Variants in CNIH3 observed in about 807,000 individuals in gnomAD.
CNIH3 encodes cornichon family AMPA receptor auxiliary protein 3.
Under a neutral mutation model 24.1 loss-of-function variants are expected in CNIH3, and 14 were observed. That is an observed-to-expected ratio of 0.58 (90% CI 0.38 to 0.91). The LOEUF is 0.91. CNIH3 is among the 40% of genes least tolerant of loss of function. The pLI is 0.00. For missense variants in CNIH3, 178 were observed against 196.8 expected, an observed-to-expected ratio of 0.90 and a Z score of 0.57; for synonymous variants, 68 against 73.8, an observed-to-expected ratio of 0.92 and a Z score of 0.40.
At chr1:224,494,022 G>A (rs923463291) in intron 1 of CNIH3, among the ~76,000 whole-genome samples, 6 of 152,140 alleles carry the variant, frequency 3.9e-5, no homozygotes, top group Admixed American at 2.0e-4. Flanking sequence ...GATCAGATGT[G>A]GTTCTTCAAA....
rs573088137 is a variant in CNIH3, at chr1:224,506,535, C to T, written n.204-9206C>T. On this transcript the variant is annotated intron_variant and non_coding_transcript_variant, in intron 1 of 5. Transcript: ENST00000471578. ...TTAGTCTGCATGTTACTCTGTAGGGCGTGTGCAAGGAGGGGAGGATGAGTG... is the reference window on the plus strand; with the variant it reads ...TTAGTCTGCATGTTACTCTGTAGGGTGTGTGCAAGGAGGGGAGGATGAGTG... 5.9e-5 allele frequency among the ~76,000 whole-genome samples: 9 copies of T among 152,118 alleles called. 1 individual carries two copies. The highest frequency in any genetic ancestry group is 2.0e-4 in the Admixed American group (3 of 15,270).
chr1:224,631,180 A>G (rs1334288248), intron 1 of CNIH3, among the ~76,000 whole-genome samples: 1 of 152,128 alleles, frequency 6.6e-6, no homozygotes, highest in Non-Finnish European at 1.5e-5. Flanking sequence ...AACAACAACA[A>G]CAAAACCAAA....
At chr1:224,555,786 C>G (rs6700804) in intron 3 of CNIH3, among the ~76,000 whole-genome samples, 1 of 151,488 alleles carries the variant, frequency 6.6e-6, no homozygotes, top group African/African-American at 2.4e-5. Context: ...TTTTTTTCCT[C>G]GGTCTCAAAC....
intron 1 of CNIH3, among the ~76,000 whole-genome samples, chr1:224,666,845 C>G (rs1685619781): frequency 6.6e-6 from 1 of 152,250 alleles, no homozygotes; most frequent in Non-Finnish European, 1.5e-5. Context: ...GTCTTCTCCA[C>G]TCTTGGGCTA....
At chr1:224,464,060 A>C (rs1676056134) in intron 1 of CNIH3, among the ~76,000 whole-genome samples, 1 of 151,900 alleles carries the variant, frequency 6.6e-6, no homozygotes, top group Non-Finnish European at 1.5e-5. Context: ...AAGTGCTGGG[A>C]TTACAGGTGT....
chr1:224,685,993 C>T (rs1686636537), intron 3 of CNIH3, among the ~76,000 whole-genome samples: 1 of 152,122 alleles, frequency 6.6e-6, no homozygotes, highest in Middle Eastern at 3.4e-3. Context: ...GACCCATAAC[C>T]TGCTCCAGCC....
chr1:224,549,824 A>G (rs1489592876), intron 3 of CNIH3, among the ~76,000 whole-genome samples: 1 of 152,100 alleles, frequency 6.6e-6, no homozygotes, highest in African/African-American at 2.4e-5. Context: ...ACAATTACAA[A>G]TACTGGATAT....
At chr1:224,636,091 G>C (rs114963428) in intron 1 of CNIH3, among the ~76,000 whole-genome samples, 3 of 152,116 alleles carry the variant, frequency 2.0e-5, no homozygotes. Flanking sequence ...ACAGTAAAAC[G>C]TCTGGGGTCA....
chr1:224,467,986 A>C (rs1676219072), intron 1 of CNIH3, among the ~76,000 whole-genome samples: 1 of 151,568 alleles, frequency 6.6e-6, no homozygotes, highest in African/African-American at 2.4e-5. Flanking sequence ...TTTTTCTTTA[A>C]AAAAATCAGT....
At chr1:224,543,462 T>G (rs1679588915) in intron 2 of CNIH3, among the ~76,000 whole-genome samples, 1 of 152,180 alleles carries the variant, frequency 6.6e-6, no homozygotes, top group South Asian at 2.1e-4. Context: ...AATTTGTAGC[T>G]AGTTGGTCAG....
intron 4 of CNIH3, among the ~76,000 whole-genome samples, chr1:224,573,897 G>T (rs1459261041): frequency 1.3e-5 from 2 of 151,842 alleles, no homozygotes; most frequent in African/African-American, 4.8e-5. Context: ...TTTGTAAATG[G>T]TATTTCCCTT....
chr1:224,480,189 G>C (rs1001111600), intron 1 of CNIH3, among the ~76,000 whole-genome samples: 3 of 152,214 alleles, frequency 2.0e-5, no homozygotes, highest in African/African-American at 7.2e-5. Context: ...ACCCTCTGAA[G>C]CAACAGCCTG....
At chr1:224,697,072 G>A (rs543159941) in intron 3 of CNIH3, among the ~76,000 whole-genome samples, 1 of 152,264 alleles carries the variant, frequency 6.6e-6, no homozygotes, top group African/African-American at 2.4e-5. Flanking sequence ...AAATACCATG[G>A]GCTATGATTT....
intron 4 of CNIH3, among the ~76,000 whole-genome samples, chr1:224,731,965 T>A (rs554885718): frequency 6.6e-5 from 10 of 152,306 alleles, no homozygotes; most frequent in African/African-American, 1.9e-4. Context: ...TGAAATGATT[T>A]GATGGGGAAG....
intron 3 of CNIH3, among the ~76,000 whole-genome samples, chr1:224,602,502 A>G (rs2125042704): frequency 6.6e-6 from 1 of 152,322 alleles, no homozygotes; most frequent in Admixed American, 6.5e-5. Flanking sequence ...GCTTTGATAG[A>G]ATGTGATTGC....
chr1:224,661,253 T>C, intron 1 of CNIH3: 1 of 309,036 alleles, frequency 3.2e-6, no homozygotes, highest in South Asian at 3.9e-5. Context: ...ACTTCTGCTC[T>C]TTCTTGACCA....
Position 224,739,539 on chromosome 1 carries a change from G to A in CNIH3, c.*183G>A. On this transcript the variant is annotated 3_prime_UTR_variant, in exon 6 of 6. Transcript: ENST00000272133. ...GCTGGGAGCCGAGTTAACCCTGCGT[G>A]TCTGTGTCACCCTGTTTGTCAATCT... is the stretch of plus-strand genomic sequence containing the variant. The A allele has an allele frequency of 9.1e-7, 1 of 1,097,354 alleles. No homozygotes were observed. Among genetic ancestry groups the A allele is most frequent in the South Asian group, 1.7e-5 (1 of 60,492 alleles). 68.0% of individuals were successfully genotyped at this position (1,097,354 alleles called of 1,614,324 possible).
upstream of CNIH3, among the ~76,000 whole-genome samples, chr1:224,612,854 A>T (rs867019796): frequency 2.8e-4 from 42 of 152,364 alleles, no homozygotes; most frequent in Admixed American, 4.6e-4. The surrounding 1 kb of genome is among the most constrained non-coding windows in gnomAD (Gnocchi z 4.7). Flanking sequence ...GAAATTTTAT[A>T]CAGTACAATT....
intron 1 of CNIH3, among the ~76,000 whole-genome samples, chr1:224,656,427 G>A (rs1322962549): frequency 6.6e-6 from 1 of 152,136 alleles, no homozygotes; most frequent in East Asian, 1.9e-4. Flanking sequence ...ACGTCTTCCT[G>A]ATTCATACAT....
Sources: allele counts gnomAD v4.1 joint callset (sites outside exome capture counted in the v4.1 genomes callset), GRCh38; gene constraint gnomAD v4.1.1; non-coding constraint Gnocchi (gnomAD v3.1); transcripts MANE v1.5; gene names NCBI Gene and HGNC (gene_info 2026-07-23, HGNC 2026-07-21).